DCC: variants seen among roughly 807,000 people sequenced by gnomAD.
The protein encoded by DCC is netrin receptor DCC.
DCC carries 58 observed loss-of-function variants against 172.5 expected under a neutral mutation model. The ratio of observed to expected loss-of-function variants is 0.34; its 90% CI spans 0.27 to 0.42. The LOEUF is 0.42. Ranked by LOEUF, DCC falls within the 10% of genes least tolerant of loss-of-function variation. DCC has a pLI of 1.00. For synonymous variants in DCC, 709 were observed against 644.5 expected (o/e 1.10, Z -1.52); for missense variants, 1,740 against 1,791.0 (o/e 0.97, Z 0.51).
At chr18:53,476,256 G>A (rs886791372) in intron 25 of DCC, among the ~76,000 whole-genome samples, 1 of 152,092 alleles carries the variant, frequency 6.6e-6, no homozygotes, top group Non-Finnish European at 1.5e-5. Flanking sequence ...AGACTTTGGG[G>A]GACCATTGGA....
chr18:52,594,892 A>C (rs1304635059), intron 1 of DCC, among the ~76,000 whole-genome samples: 1 of 152,224 alleles, frequency 6.6e-6, no homozygotes, highest in Non-Finnish European at 1.5e-5. Flanking sequence ...GCCCACCTCC[A>C]ACATTGAGGA....
chr18:52,357,234 A>AGCTCTCTTTT (rs1984409928), intron 1 of DCC, among the ~76,000 whole-genome samples: 1 of 152,204 alleles, frequency 6.6e-6, no homozygotes, highest in Admixed American at 6.5e-5. Flanking sequence ...AATAAAAGAA[A>AGCTCTCTTTT]CCAGAGCTCC....
chr18:53,159,857 TCTA>T (rs2054807011), intron 8 of DCC, among the ~76,000 whole-genome samples: 1 of 152,168 alleles, frequency 6.6e-6, no homozygotes, highest in South Asian at 2.1e-4. Context: ...GAAGATAAAT[TCTA>T]CCTGTTAGCA....
chr18:52,965,146 G>A (rs1229108031), intron 5 of DCC: 1 of 152,142 alleles, frequency 6.6e-6, no homozygotes, highest in African/African-American at 2.4e-5. Context: ...TATATGTGCA[G>A]ATTCCAGGGA....
intron 2 of DCC, among the ~76,000 whole-genome samples, chr18:52,813,526 G>A (rs2038237185): frequency 6.6e-6 from 1 of 152,268 alleles, no homozygotes; most frequent in African/African-American, 2.4e-5. Flanking sequence ...TACTTCACAG[G>A]GGACAGTGGA....
chr18:53,111,186 A>G (rs570617361), intron 7 of DCC, among the ~76,000 whole-genome samples: 15 of 144,690 alleles, frequency 1.0e-4, no homozygotes, highest in African/African-American at 2.8e-4. Flanking sequence ...GCTCATAGGT[A>G]GGAATTGAAC....
chr18:53,348,397 C>T (rs2057749219), intron 15 of DCC, among the ~76,000 whole-genome samples: 4 of 152,204 alleles, frequency 2.6e-5, no homozygotes, highest in Admixed American at 2.0e-4. Flanking sequence ...GGAAGCTCCA[C>T]TCCTGTGGTT....
chr18:52,777,750 C>A (rs2037459823), intron 2 of DCC, among the ~76,000 whole-genome samples: 1 of 151,152 alleles, frequency 6.6e-6, no homozygotes, highest in Non-Finnish European at 1.5e-5. Context: ...AGAAGAGAAT[C>A]TAGGAGGCAG....
chr18:53,405,190 T>A (rs1262345306), intron 19 of DCC, among the ~76,000 whole-genome samples: 18 of 139,074 alleles, frequency 1.3e-4, no homozygotes, highest in Non-Finnish European at 1.5e-4. Context: ...TAATAAAAAG[T>A]AAAAAAAAAA....
chr18:53,046,132 G>A (rs2042234486), intron 5 of DCC, among the ~76,000 whole-genome samples: 1 of 151,812 alleles, frequency 6.6e-6, no homozygotes, highest in Admixed American at 6.6e-5. Context: ...GAGTCTCAAA[G>A]CTGGAATATA....
intron 25 of DCC, among the ~76,000 whole-genome samples, chr18:53,486,290 A>G (rs1360749372): frequency 6.6e-6 from 1 of 152,178 alleles, no homozygotes; most frequent in African/African-American, 2.4e-5. Context: ...TTAAAGATAA[A>G]TCCTAAGTAT....
At chr18:52,650,957 A>T (rs1163943475) in intron 1 of DCC, among the ~76,000 whole-genome samples, 1 of 152,228 alleles carries the variant, frequency 6.6e-6, no homozygotes, top group Non-Finnish European at 1.5e-5. Flanking sequence ...GAACAATGTA[A>T]CAGATACCAA....
chr18:52,600,237 G>A (rs1042602360), intron 1 of DCC, among the ~76,000 whole-genome samples: 9 of 152,198 alleles, frequency 5.9e-5, no homozygotes, highest in Admixed American at 2.6e-4. Context: ...GATAACTAGC[G>A]TCCCCAGCTC....
At chr18:53,352,334 T>C (rs1354583772) in intron 15 of DCC, among the ~76,000 whole-genome samples, 1 of 152,154 alleles carries the variant, frequency 6.6e-6, no homozygotes, top group Non-Finnish European at 1.5e-5. Flanking sequence ...GCAAATGCTG[T>C]ATCTGGGCAT....
intron 1 of DCC, among the ~76,000 whole-genome samples, chr18:52,525,188 A>G (rs1053039823): frequency 6.6e-6 from 1 of 152,074 alleles, no homozygotes; most frequent in African/African-American, 2.4e-5. Flanking sequence ...TGTGGTCCTG[A>G]TTTGAAACCA....
chr18:53,007,183 G>A (rs773187333), intron 5 of DCC, among the ~76,000 whole-genome samples: 7 of 152,176 alleles, frequency 4.6e-5, no homozygotes, highest in Non-Finnish European at 1.0e-4. Flanking sequence ...TAAATATCTA[G>A]TCTTTGTTGG....
chr18:53,110,352 G>A (rs570553965), intron 7 of DCC, among the ~76,000 whole-genome samples: 1 of 151,666 alleles, frequency 6.6e-6, no homozygotes, highest in Non-Finnish European at 1.5e-5. Context: ...TTAAACGACT[G>A]TTCCATATCA....
intron 1 of DCC, among the ~76,000 whole-genome samples, chr18:52,601,476 C>T (rs1317071632): frequency 6.6e-6 from 1 of 151,952 alleles, no homozygotes; most frequent in Non-Finnish European, 1.5e-5. Flanking sequence ...TTCAGTTTTC[C>T]TCTATGTATC....
chr18:53,349,827 C>T (rs556937859), intron 15 of DCC, among the ~76,000 whole-genome samples: 4 of 152,276 alleles, frequency 2.6e-5, no homozygotes, highest in East Asian at 3.9e-4. Flanking sequence ...CCTCCCATGA[C>T]GTGGGAATTG....
Sources: allele counts gnomAD v4.1 joint callset (sites outside exome capture counted in the v4.1 genomes callset), GRCh38; gene constraint gnomAD v4.1.1; transcripts MANE v1.5; gene names NCBI Gene and HGNC (gene_info 2026-07-23, HGNC 2026-07-21).